CACNA1E: variants seen among roughly 807,000 people sequenced by gnomAD.
The protein encoded by CACNA1E is voltage-dependent R-type calcium channel subunit alpha-1E.
A neutral mutation model predicts 259.2 loss-of-function variants in CACNA1E; 40 were observed. That is an observed-to-expected ratio of 0.15 (90% CI 0.12 to 0.20). The LOEUF (loss-of-function observed/expected upper bound fraction) is 0.20, where lower values mean the gene tolerates loss of function less well. CACNA1E is among the 10% of genes least tolerant of loss of function. The pLI, the probability that CACNA1E is intolerant of heterozygous loss-of-function variation, is 1.00. For missense variants in CACNA1E, 1,874 were observed against 3,040.1 expected, an observed-to-expected ratio of 0.62 and a Z score of 9.02; for synonymous variants, 1,104 against 1,138.5, an observed-to-expected ratio of 0.97 and a Z score of 0.61.
intron 34 of CACNA1E, 86 bp from the exon 35 acceptor site, chr1:181,766,460 A>C: frequency 5.4e-6 from 5 of 928,820 alleles, no homozygotes; most frequent in Non-Finnish European, 8.8e-6. Flanking sequence ...CCTCCAGGCA[A>C]GATCCTGTAC....
intron 8 of CACNA1E, among the ~76,000 whole-genome samples, chr1:181,711,492 G>C (rs1653359424): frequency 6.6e-6 from 1 of 152,200 alleles, no homozygotes; most frequent in East Asian, 1.9e-4. Flanking sequence ...GCTCACCAAA[G>C]CTCTTCTCTT....
intron 1 of CACNA1E, 102 bp from the exon 2 acceptor site, chr1:181,510,375 C>T (rs1298999668): frequency 1.3e-6 from 1 of 759,140 alleles, no homozygotes; most frequent in Non-Finnish European, 2.3e-6. Context: ...GCAAACTGCA[C>T]AGACACAATG....
At chr1:181,736,248 G>A in intron 21 of CACNA1E, 27 bp from the exon 22 acceptor site, 1 of 1,559,748 alleles carries the variant, frequency 6.4e-7, no homozygotes, top group Non-Finnish European at 8.7e-7. Flanking sequence ...CATGATTTCT[G>A]AAGATTTCAA....
chr1:181,792,222 A>G (rs1661383523), intron 44 of CACNA1E, among the ~76,000 whole-genome samples: 1 of 151,994 alleles, frequency 6.6e-6, no homozygotes, highest in Non-Finnish European at 1.5e-5. Flanking sequence ...TTTCACAGGG[A>G]GACTTTATGA....
chr1:181,720,652 G>T, intron 14 of CACNA1E, 131 bp from the exon 15 acceptor site: 1 of 682,826 alleles, frequency 1.5e-6, no homozygotes, highest in East Asian at 2.7e-5. Context: ...ATGTGGAATG[G>T]GGAAAAAGTA....
intron 1 of CACNA1E, among the ~76,000 whole-genome samples, chr1:181,387,683 A>C (rs1163089216): frequency 6.6e-6 from 1 of 152,210 alleles, no homozygotes; most frequent in Non-Finnish European, 1.5e-5. Flanking sequence ...GAGACGTGGT[A>C]ATTTTAGTGT....
chr1:181,582,531 A>C (rs1329847127), intron 6 of CACNA1E, among the ~76,000 whole-genome samples: 2 of 152,252 alleles, frequency 1.3e-5, no homozygotes, highest in Non-Finnish European at 2.9e-5. Context: ...GCCTGAAAGG[A>C]GAAGTGTTGC....
intron 18 of CACNA1E, among the ~76,000 whole-genome samples, chr1:181,727,707 G>A (rs1200102412): frequency 6.6e-6 from 1 of 152,182 alleles, no homozygotes; most frequent in African/African-American, 2.4e-5. Flanking sequence ...GTTGCATCGG[G>A]GCCTGCATGA....
At chr1:181,599,675 A>G (rs914833983) in intron 6 of CACNA1E, among the ~76,000 whole-genome samples, 1 of 152,194 alleles carries the variant, frequency 6.6e-6, no homozygotes, top group Non-Finnish European at 1.5e-5. Flanking sequence ...ATCGTGTGGC[A>G]TGTAGTAGGT....
chr1:181,478,575 C>T (rs940666668), upstream of CACNA1E, among the ~76,000 whole-genome samples: 3 of 152,192 alleles, frequency 2.0e-5, no homozygotes, highest in African/African-American at 7.2e-5. Flanking sequence ...AAAAGCTCAA[C>T]GGAGGAAAAA....
chr1:181,714,167 T>C (rs1029471835), intron 8 of CACNA1E, among the ~76,000 whole-genome samples: 1 of 152,132 alleles, frequency 6.6e-6, no homozygotes, highest in Non-Finnish European at 1.5e-5. Context: ...GCAACCAACA[T>C]ATCTGCCTGG....
At chr1:181,737,085 G>A (rs934616910) in intron 22 of CACNA1E, among the ~76,000 whole-genome samples, 6 of 152,184 alleles carry the variant, frequency 3.9e-5, no homozygotes, top group Admixed American at 6.5e-5. Flanking sequence ...GAATAACCTG[G>A]GGCTCATGAA....
intron 7 of CACNA1E, among the ~76,000 whole-genome samples, chr1:181,686,552 G>T (rs912121002): frequency 4.6e-5 from 7 of 152,148 alleles, no homozygotes; most frequent in Non-Finnish European, 1.0e-4. Flanking sequence ...CTCCCAAAGT[G>T]CTGGGATTAC....
chr1:181,576,082 TC>T (rs1558144579), intron 3 of CACNA1E, among the ~76,000 whole-genome samples: 1 of 151,950 alleles, frequency 6.6e-6, no homozygotes. Context: ...CTGCCCCAAG[TC>T]CCCCCGTTTC....
intron 6 of CACNA1E, among the ~76,000 whole-genome samples, chr1:181,630,493 G>T (rs1035882356): frequency 6.6e-6 from 1 of 151,854 alleles, no homozygotes; most frequent in African/African-American, 2.4e-5. Flanking sequence ...CCATCCCACT[G>T]AGGGGGCAGG....
chr1:181,698,889 G>A (rs1386500887), intron 7 of CACNA1E, among the ~76,000 whole-genome samples: 3 of 152,274 alleles, frequency 2.0e-5, no homozygotes, highest in African/African-American at 7.2e-5. Flanking sequence ...GATGATAACG[G>A]TCAACTTAAA....
rs118016636 is a variant in CACNA1E, at chr1:181,792,462, T to C, written c.5899-1203T>C. On this transcript the variant is annotated intron_variant, in intron 44 of 47. Coordinates refer to ENST00000367573, the MANE Select transcript of CACNA1E (RefSeq NM_001205293.3). ...AGTGTGTGTCTCACACCACCTCTGA[T>C]ACCTGTAGACTGCAGTGTTGTTACC... is the stretch of plus-strand genomic sequence containing the variant. Among the ~76,000 whole-genome samples, 21 of 152,364 alleles carry C rather than the reference T, an allele frequency of 1.4e-4. No homozygotes were observed. The East Asian group carries it at 3.9e-3, about 28-fold the overall frequency.
chr1:181,793,905 C>G (rs1465418172), intron 45 of CACNA1E, 112 bp downstream of exon 45: 1 of 1,189,456 alleles, frequency 8.4e-7, no homozygotes, highest in African/African-American at 1.5e-5. Context: ...CACCCCTTCC[C>G]TATAAATAAA....
rs1024916488 is a variant in CACNA1E, at chr1:181,409,699, T to A, written c.-14-3434T>A. On this transcript the variant is annotated intron_variant, in intron 1 of 11. Transcript: ENST00000524607. ...ATCTCGGCTTGGTGCTAGCCAGAAC[T>A]GGGGACTGATCGGCTTGGCAAGCAG... 2.6e-5 allele frequency among the ~76,000 whole-genome samples: 4 copies of A among 152,108 alleles called. No individual in the cohort carries two copies. The East Asian group carries it at 7.7e-4, about 29-fold the overall frequency.
Sources: gnomAD v4.1 joint callset for allele counts (sites outside exome capture counted in the v4.1 genomes callset) on GRCh38, gnomAD v4.1.1 for gene constraint, MANE v1.5 for transcripts, NCBI Gene and HGNC (gene_info 2026-07-23, HGNC 2026-07-21) for gene names.